The following CPT1B variants were observed in gnomAD, a reference collection of about 807,000 sequenced individuals.
CPT1B encodes the protein carnitine O-palmitoyltransferase 1, muscle isoform.
A neutral mutation model predicts 92.7 loss-of-function variants in CPT1B; 57 were observed. The observed-to-expected ratio is 0.62, with a 90% CI of 0.50 to 0.77. The LOEUF is 0.77. CPT1B is among the 30% of genes least tolerant of loss of function. The pLI, the probability that CPT1B is intolerant of heterozygous loss-of-function variation, is 0.00. For missense variants in CPT1B, 983 were observed against 1,017.4 expected, an observed-to-expected ratio of 0.97 and a Z score of 0.46; for synonymous variants, 398 against 383.5, an observed-to-expected ratio of 1.04 and a Z score of -0.44.
In CPT1B at chr22:50,573,713, C is replaced by T. The variant is rs753591945; in HGVS notation, c.973G>A (p.Val325Met). 1.2e-6 allele frequency: 2 copies of T among 1,611,714 alleles called. No homozygotes were observed. Among genetic ancestry groups the T allele is most frequent in the South Asian group, 1.1e-5 (1 of 90,962 alleles). Reference protein sequence around the residue: ...TTRIPGKDTDVLQHLSDSRHV... With the variant: ...TTRIPGKDTDMLQHLSDSRHV... ...CGGCTGTCTGAGAGGTGCTGTAGCACATCTGTGATACAGGCCACGGGCAAG... is the reference window on the plus strand; with the variant it reads ...CGGCTGTCTGAGAGGTGCTGTAGCATATCTGTGATACAGGCCACGGGCAAG... Residue 325 changes from valine (V) to methionine (M), a missense_variant and splice_region_variant, in exon 10 of 20, where the codon GTG becomes ATG. Coordinates refer to ENST00000312108, the MANE Select transcript of CPT1B (RefSeq NM_152246.3). This position sits in a 1 kb window ranked among gnomAD's most constrained non-coding sequence, Gnocchi z 5.0.
rs768736278 is a variant in CPT1B, at chr22:50,577,841, C to T, written c.75G>A (p.Arg25=). 6.2e-7 allele frequency: 1 copy of T among 1,613,820 alleles called. No homozygotes were observed. Among genetic ancestry groups the T allele is most frequent in the Non-Finnish European group, 8.5e-7 (1 of 1,179,926 alleles). Residue 25 remains arginine, a synonymous_variant, in exon 2 of 20, where the codon CGG becomes CGA. Coordinates refer to ENST00000312108, the MANE Select transcript of CPT1B (RefSeq NM_152246.3). ...TPDGVDFRLS[R]EALKHVYLSG... ...ACAGGTAGACGTGTTTCAGGGCCTCCCGACTGAGCCGGAAGTCGACCCCGT... is the reference window on the plus strand; with the variant it reads ...ACAGGTAGACGTGTTTCAGGGCCTCTCGACTGAGCCGGAAGTCGACCCCGT...
At position 50,571,405 on chromosome 22, in the gene CPT1B, C is replaced by T; in HGVS notation, c.1710G>A (p.Val570=). 6.2e-7 allele frequency: 1 copy of T among 1,613,896 alleles called. No homozygotes were observed. Among genetic ancestry groups the T allele is most frequent in the Non-Finnish European group, 8.5e-7 (1 of 1,180,024 alleles). The change falls in exon 14 of 20, where the codon GTG becomes GTA. Residue 570 remains valine, a synonymous_variant. Coordinates refer to ENST00000312108, the MANE Select transcript of CPT1B (RefSeq NM_152246.3). The part of the protein sequence containing the change: ...KKCRTSPDAF[V]QIALQLAHFR... Reference sequence around the variant, plus strand: ...AGTGAGCCAGCTGCAGCGCGATCTGCACAAAGGCATCAGGGCTGGTCCGGC... The same window carrying T: ...AGTGAGCCAGCTGCAGCGCGATCTGTACAAAGGCATCAGGGCTGGTCCGGC...
Position 50,572,180 on chromosome 22 carries a change from G to C in CPT1B, c.1458+23C>G, listed in dbSNP as rs144606575. 396 of 1,612,506 alleles carry C rather than the reference G, an allele frequency of 2.5e-4. 4 individuals are homozygous for C. The African/African-American group carries it at 4.8e-3, about 20-fold the overall frequency. ...CTCATCCCCTACAGCCTGCCCTGCAGGTTCCCTCTGCAAGGCTATTACCTC... is the reference window on the plus strand; with the variant it reads ...CTCATCCCCTACAGCCTGCCCTGCACGTTCCCTCTGCAAGGCTATTACCTC... On this transcript the variant is annotated intron_variant, in intron 12 of 19. Transcript: ENST00000312108.
At chr22:50,576,718 A>T (rs919187622) in intron 4 of CPT1B, 81 bp from the exon 5 acceptor site, 1 of 1,544,446 alleles carries the variant, frequency 6.5e-7, no homozygotes, top group Non-Finnish European at 8.9e-7. Flanking sequence ...AGACCCTCAG[A>T]GCCATCCCAG....
At chr22:50,571,624 T>C (rs2070179453) in intron 13 of CPT1B, 85 bp from the exon 14 acceptor site, 1 of 1,468,598 alleles carries the variant, frequency 6.8e-7, no homozygotes. Context: ...GACGTTTAGC[T>C]GGTGGAGAAA....
At chr22:50,578,523 T>TG (rs1463505670), upstream of CPT1B, 2 of 155,622 alleles carry the variant, frequency 1.3e-5, no homozygotes, top group African/African-American at 4.8e-5. Context: ...GGGAAAAACG[T>TG]GGGGCGAGAA....
chr22:50,573,900 C>G lies in CPT1B; in HGVS notation c.971-185G>C, dbSNP rs1343043100. ...GCCCTGTGCTGGGTGCTTCCACTCT[C>G]TCTCACGCAACACCAACAATCCTAT... is the stretch of plus-strand genomic sequence containing the variant. On this transcript the variant is annotated intron_variant, in intron 9 of 19. Coordinates refer to ENST00000312108, the MANE Select transcript of CPT1B (RefSeq NM_152246.3). The surrounding 1 kb of genome is among the most constrained non-coding windows in gnomAD (Gnocchi z 5.0). The G allele has an allele frequency of 1.4e-6, 1 of 717,860 alleles. No homozygotes were observed. The highest frequency in any genetic ancestry group is 2.7e-5 in the East Asian group (1 of 37,148). The allele number at this position is 717,860 out of a possible 1,614,324, so 44.5% of individuals were successfully genotyped here.
chr22:50,571,949 GC>G, intron 13 of CPT1B, 56 bp downstream of exon 13: 1 of 1,511,392 alleles, frequency 6.6e-7, no homozygotes, highest in South Asian at 1.1e-5. Flanking sequence ...CCTCGTCGGG[GC>G]TGTACCCACC....
rs754023433 is a variant in CPT1B at position 50,576,971 on chromosome 22, G to T, written c.345C>A (p.Gly115=). The T allele has an allele frequency of 6.2e-7, 1 of 1,613,970 alleles. No homozygotes were observed. The highest frequency in any genetic ancestry group is 8.5e-7 in the Non-Finnish European group (1 of 1,180,036). Residue 115 remains glycine, a synonymous_variant, in exon 4 of 20, where the codon GGC becomes GGA. Coordinates refer to ENST00000312108, the MANE Select transcript of CPT1B (RefSeq NM_152246.3). The stretch of plus-strand genomic sequence containing the variant: ...AGAAGAAGATGCCCGTCACCCAGAC[G>T]CCCGTGGAGAAGATGGCCATGCTGA... ...ALLSMAIFST[G]VWVTGIFFFR...
Position 50,571,013 on chromosome 22 carries a change from C to T in CPT1B, c.1906G>A (p.Ala636Thr). The change falls in exon 16 of 20, where the codon GCT (alanine) becomes ACT (threonine). Residue 636 changes from alanine to threonine, a missense_variant. Ala to Thr is a moderately conservative substitution (Grantham distance 58, BLOSUM62 0). Transcript: ENST00000312108. ...TACATATTCTGGTGCTTCTTAGCAG[C>T]CTTCTGGAAGAGATCTCGCAGGTCT... ...KADLRDLFQK[A>T]AKKHQNMYRL... 6.2e-7 allele frequency: 1 copy of T among 1,614,034 alleles called. No individual in the cohort carries two copies. Among genetic ancestry groups the T allele is most frequent in the South Asian group, 1.1e-5 (1 of 91,086 alleles).
chr22:50,577,564 T>C, intron 2 of CPT1B, 101 bp from the exon 3 acceptor site: 1 of 1,501,164 alleles, frequency 6.7e-7, no homozygotes, highest in Non-Finnish European at 9.0e-7. Context: ...TGGAAGGCTT[T>C]CTCTCCTGAT....
intron 11 of CPT1B, 21 bp from the exon 12 acceptor site, chr22:50,572,329 T>C: frequency 6.4e-7 from 1 of 1,555,330 alleles, no homozygotes; most frequent in Non-Finnish European, 8.9e-7. Context: ...AGTAGACACA[T>C]GAAGAACCAA....
Position 50,570,425 on chromosome 22 carries a change from C to G in CPT1B, c.2029-19G>C. The G allele has an allele frequency of 6.4e-7, 1 of 1,555,694 alleles. No homozygotes were observed. Among genetic ancestry groups the G allele is most frequent in the Non-Finnish European group, 8.7e-7 (1 of 1,144,576 alleles). ...AGAGCACCTGCAATGGAGGCCACAGCTGGTCAGAGGCCACATACCCAAAGC... is the reference window on the plus strand; with the variant it reads ...AGAGCACCTGCAATGGAGGCCACAGGTGGTCAGAGGCCACATACCCAAAGC... On this transcript the variant is annotated intron_variant, in intron 16 of 19. Coordinates refer to ENST00000312108, the MANE Select transcript of CPT1B (RefSeq NM_152246.3).
chr22:50,574,834 G>T, intron 7 of CPT1B: 2 of 498,484 alleles, frequency 4.0e-6, no homozygotes, highest in Non-Finnish European at 7.3e-6. Context: ...TTAGGGTCTT[G>T]CTCTGTCGCC....
chr22:50,574,585 T>C lies in CPT1B; in HGVS notation c.793A>G (p.Lys265Glu). 1 of 1,614,034 alleles carries C rather than the reference T, an allele frequency of 6.2e-7. No homozygotes were observed. Among genetic ancestry groups the C allele is most frequent in the Non-Finnish European group, 8.5e-7 (1 of 1,179,948 alleles). Residue 265 changes from lysine (K) to glutamate (E), a missense_variant, in exon 8 of 20, where the codon AAG becomes GAG. Coordinates refer to ENST00000312108, the MANE Select transcript of CPT1B (RefSeq NM_152246.3). ...NYYVMDLVLI[K>E]NTDVQAARLG... ...CGGGCTGCCTGCACGTCTGTATTCTTGATGAGCACAAGGTCCTACAGAGGA... is the reference window on the plus strand; with the variant it reads ...CGGGCTGCCTGCACGTCTGTATTCTCGATGAGCACAAGGTCCTACAGAGGA...
At chr22:50,570,191 A>G (rs1428392189) in intron 17 of CPT1B, 102 bp downstream of exon 17, 2 of 842,966 alleles carry the variant, frequency 2.4e-6, no homozygotes, top group African/African-American at 1.7e-5. Context: ...CTCTCCTCTA[A>G]GCAAGGTGCT....
Position 50,572,890 on chromosome 22 carries a change from C to T in CPT1B, c.1337G>A (p.Gly446Asp), listed in dbSNP as rs750746650. The T allele has an allele frequency of 6.2e-7, 1 of 1,606,252 alleles. No homozygotes were observed. Among genetic ancestry groups the T allele is most frequent in the East Asian group, 2.2e-5 (1 of 44,556 alleles). ...GCTGCCGTACCTGTTGTAGCAGTTG[C>T]CATGTAGCAGGGCCTTGCCATAGAG... is the stretch of plus-strand genomic sequence containing the variant. ...LSLYGKALLH[G>D]NCYNRWFDKS... Residue 446 changes from glycine (G) to aspartate (D), a missense_variant, in exon 11 of 20, where the codon GGC becomes GAC. Transcript: ENST00000312108.
chr22:50,569,202 C>T (rs1405574398), intron 19 of CPT1B, 121 bp from the exon 20 acceptor site: 6 of 783,164 alleles, frequency 7.7e-6, no homozygotes, highest in Non-Finnish European at 1.2e-5. Flanking sequence ...CAGCATCTGC[C>T]CAGCGAGGAC....
intron 11 of CPT1B, 111 bp from the exon 12 acceptor site, chr22:50,572,419 T>C: frequency 1.5e-6 from 1 of 679,526 alleles, no homozygotes; most frequent in Non-Finnish European, 2.5e-6. Context: ...TCTCTCTTTT[T>C]CTCTCACTTT....
Sources: allele counts gnomAD v4.1 joint callset, GRCh38; gene constraint gnomAD v4.1.1; non-coding constraint Gnocchi (gnomAD v3.1); transcripts MANE v1.5; gene names NCBI Gene and HGNC (gene_info 2026-07-23, HGNC 2026-07-21).